MCF2L2: variants seen among roughly 807,000 people sequenced by gnomAD.
MCF2L2 encodes probable guanine nucleotide exchange factor MCF2L2.
Under a neutral mutation model 150.2 loss-of-function variants are expected in MCF2L2, and 102 were observed. The ratio of observed to expected loss-of-function variants is 0.68; its 90% CI spans 0.58 to 0.80. The LOEUF (loss-of-function observed/expected upper bound fraction) is 0.80, where lower values mean the gene tolerates loss of function less well. Among genes scored for constraint, MCF2L2 ranks in the 30% least tolerant of loss-of-function variants. The pLI, the probability that MCF2L2 is intolerant of heterozygous loss-of-function variation, is 0.00. For synonymous variants in MCF2L2, 465 were observed against 491.3 expected (o/e 0.95, Z 0.71); for missense variants, 1,256 against 1,372.8 (o/e 0.91, Z 1.34).
At chr3:183,219,960 T>C in intron 20 of MCF2L2, 36 bp from the exon 21 acceptor site, 1 of 1,457,746 alleles carries the variant, frequency 6.9e-7, no homozygotes, top group South Asian at 1.2e-5. Context: ...AAAATTAAAA[T>C]GTACATTGCC....
intron 14 of MCF2L2, among the ~76,000 whole-genome samples, chr3:183,281,089 T>A (rs890850965): frequency 2.0e-5 from 3 of 152,056 alleles, no homozygotes; most frequent in Non-Finnish European, 4.4e-5. Context: ...TAAATTTAAT[T>A]AATTAATTAT....
At chr3:183,379,560 G>A in intron 2 of MCF2L2, 149 bp from the exon 3 acceptor site, 1 of 627,418 alleles carries the variant, frequency 1.6e-6, no homozygotes, top group South Asian at 1.9e-5. Context: ...CAGTTATTTT[G>A]AACAAGTCTC....
chr3:183,409,395 A>G (rs544852696), intron 1 of MCF2L2, among the ~76,000 whole-genome samples: 1 of 152,272 alleles, frequency 6.6e-6, no homozygotes, highest in South Asian at 2.1e-4. Context: ...TCCTCTTGCT[A>G]TGACCTTGGG....
At chr3:183,241,049 T>TA (rs1005014324) in intron 15 of MCF2L2, among the ~76,000 whole-genome samples, 20 of 152,008 alleles carry the variant, frequency 1.3e-4, no homozygotes, top group East Asian at 7.8e-4. Flanking sequence ...ATGGAAGAGA[T>TA]AAAAAAAATC....
rs1306373380 is a variant in MCF2L2 at position 183,283,170 on chromosome 3, G to A, written c.1776+5950C>T. Among the ~76,000 whole-genome samples the A allele has an allele frequency of 1.3e-5, 2 of 151,950 alleles. No individual in the cohort carries two copies. Among genetic ancestry groups the A allele is most frequent in the South Asian group, 2.1e-4 (1 of 4,814 alleles). On this transcript the variant is annotated intron_variant, in intron 14 of 29. Coordinates refer to ENST00000328913, the MANE Select transcript of MCF2L2 (RefSeq NM_015078.4). The surrounding 1 kb of genome is among the most constrained non-coding windows in gnomAD (Gnocchi z 4.2). ...TCGTGTTCTAGCCACTAGGGAGAAC[G>A]TTTCAGTCAATGGGTATGATTTCTG...
At position 183,355,050 on chromosome 3, in the gene MCF2L2, TTAA is replaced by T. The variant is rs1711675454; in HGVS notation, c.276-13423_276-13421del. ...CTGGCATAAAATGCTTCTATTTATT[TTAA>T]TAATATTATTTATTATTCATTATAT... is the stretch of plus-strand genomic sequence containing the variant. On this transcript the variant is annotated intron_variant, in intron 3 of 29. Transcript: ENST00000328913. Among the ~76,000 whole-genome samples, 4 of 150,726 alleles carry T rather than the reference TTAA, an allele frequency of 2.7e-5. No individual in the cohort carries two copies. The South Asian group carries it at 8.3e-4, about 31-fold the overall frequency.
chr3:183,383,396 G>A lies in MCF2L2; in HGVS notation c.161-3985C>T, dbSNP rs971734521. On this transcript the variant is annotated intron_variant, in intron 2 of 29. Coordinates refer to ENST00000328913, the MANE Select transcript of MCF2L2 (RefSeq NM_015078.4). The stretch of plus-strand genomic sequence containing the variant: ...ATTACAGGTATGCACCACCACACCC[G>A]GCTAATTTTGTATTTTTAGTAGAGA... 7.9e-5 allele frequency among the ~76,000 whole-genome samples: 12 copies of A among 152,018 alleles called. No homozygotes were observed. In the East Asian group the frequency reaches 1.5e-3, roughly 20 times the overall value.
chr3:183,209,110 A>G (rs912766686), intron 22 of MCF2L2, among the ~76,000 whole-genome samples: 2 of 152,264 alleles, frequency 1.3e-5, no homozygotes, highest in Non-Finnish European at 2.9e-5. Flanking sequence ...AAGGGTGGAT[A>G]GGTCCATGAG....
At chr3:183,316,749 A>C (rs1363469669) in intron 7 of MCF2L2, among the ~76,000 whole-genome samples, 1 of 152,020 alleles carries the variant, frequency 6.6e-6, no homozygotes, top group Non-Finnish European at 1.5e-5. Context: ...TCTGTCACCC[A>C]GGACAGAGTG....
chr3:183,422,064 C>T (rs2108634223), intron 1 of MCF2L2, among the ~76,000 whole-genome samples: 1 of 152,306 alleles, frequency 6.6e-6, no homozygotes, highest in Non-Finnish European at 1.5e-5. Flanking sequence ...TGCCCTGGGG[C>T]ATAAAATTGC....
At chr3:183,249,954 C>T (rs1484536680) in intron 15 of MCF2L2, among the ~76,000 whole-genome samples, 1 of 152,178 alleles carries the variant, frequency 6.6e-6, no homozygotes, top group East Asian at 1.9e-4. Flanking sequence ...CAGAGAAGAG[C>T]AGGGCATGGT....
intron 15 of MCF2L2, among the ~76,000 whole-genome samples, chr3:183,235,737 C>A (rs1723793993): frequency 1.2e-5 from 1 of 84,566 alleles, no homozygotes; most frequent in Non-Finnish European, 2.1e-5. Context: ...CTTTTGTTGC[C>A]ATTGCTTTTG....
At chr3:183,416,640 A>T (rs1451419096) in intron 1 of MCF2L2, among the ~76,000 whole-genome samples, 2 of 152,336 alleles carry the variant, frequency 1.3e-5, no homozygotes, top group East Asian at 3.9e-4. Flanking sequence ...ATGTTGCAAA[A>T]GCAATATAAT....
chr3:183,380,158 G>C lies in MCF2L2; in HGVS notation c.161-747C>G, dbSNP rs62287161. Among the ~76,000 whole-genome samples the C allele has an allele frequency of 7.6e-4, 116 of 152,204 alleles. 1 individual carries two copies. Among genetic ancestry groups the C allele is most frequent in the South Asian group, 4.6e-3 (22 of 4,818 alleles). ...AATATGAAAATTCACATTTAATTCA[G>C]AGCAGAGACCACCAAATTCAATAGA... On this transcript the variant is annotated intron_variant, in intron 2 of 29. Transcript: ENST00000328913.
At chr3:183,233,992 G>C (rs566383197) in intron 15 of MCF2L2, among the ~76,000 whole-genome samples, 4 of 152,272 alleles carry the variant, frequency 2.6e-5, no homozygotes, top group Admixed American at 6.5e-5. Flanking sequence ...ATTTCCGGAA[G>C]TCTAAAACTC....
chr3:183,416,235 T>C (rs1171690396), intron 1 of MCF2L2, among the ~76,000 whole-genome samples: 1 of 148,780 alleles, frequency 6.7e-6, no homozygotes, highest in East Asian at 2.0e-4. Flanking sequence ...ATAATTACTA[T>C]GTTATATAAC....
intron 25 of MCF2L2, among the ~76,000 whole-genome samples, chr3:183,199,635 T>A (rs901881314): frequency 4.6e-5 from 7 of 151,212 alleles, no homozygotes; most frequent in African/African-American, 9.8e-5. Flanking sequence ...TTTTTTTTTT[T>A]ATTATACTTT....
chr3:183,344,556 G>A (rs115570574), intron 3 of MCF2L2, among the ~76,000 whole-genome samples: 3,381 of 152,304 alleles, frequency 0.022, 45 homozygotes, highest in Non-Finnish European at 0.036. Context: ...AGAATGACAG[G>A]ATCAAGTTCA....
At chr3:183,394,754 T>A (rs1714344489) in intron 1 of MCF2L2, among the ~76,000 whole-genome samples, 1 of 152,202 alleles carries the variant, frequency 6.6e-6, no homozygotes, top group Non-Finnish European at 1.5e-5. Context: ...TTCCTAGTCA[T>A]CAACAAATGA....
Sources: gnomAD v4.1 joint callset for allele counts (sites outside exome capture counted in the v4.1 genomes callset) on GRCh38, gnomAD v4.1.1 for gene constraint, Gnocchi (gnomAD v3.1) non-coding constraint, MANE v1.5 for transcripts, NCBI Gene and HGNC (gene_info 2026-07-23, HGNC 2026-07-21) for gene names.